The following EXOC1 variants were observed in gnomAD, a reference collection of about 807,000 sequenced individuals.
EXOC1 encodes exocyst complex component 1.
EXOC1 carries 67 observed loss-of-function variants against 107.7 expected under a neutral mutation model. The ratio of observed to expected loss-of-function variants is 0.62; its 90% CI spans 0.51 to 0.76. The LOEUF is 0.76. Among genes scored for constraint, EXOC1 ranks in the 30% least tolerant of loss-of-function variants. The pLI, the probability that EXOC1 is intolerant of heterozygous loss-of-function variation, is 0.00. For synonymous variants in EXOC1, 348 were observed against 353.5 expected (o/e 0.98, Z 0.17); for missense variants, 833 against 1,055.7 (o/e 0.79, Z 2.92).
At chr4:55,876,798 G>T in intron 8 of EXOC1, 2 of 983,838 alleles carry the variant, frequency 2.0e-6, no homozygotes, top group South Asian at 9.4e-5. Context: ...TGTAATTTCT[G>T]TATAATGGGT....
intron 10 of EXOC1, among the ~76,000 whole-genome samples, chr4:55,885,972 A>AT: frequency 6.6e-6 from 1 of 152,236 alleles, no homozygotes; most frequent in East Asian, 1.9e-4. Flanking sequence ...TCAACTTAGG[A>AT]TTTTTTTATT....
At chr4:55,903,794 G>C (rs913040235) in intron 18 of EXOC1, among the ~76,000 whole-genome samples, 4 of 152,100 alleles carry the variant, frequency 2.6e-5, no homozygotes, top group African/African-American at 9.7e-5. Flanking sequence ...AGCCTCCACT[G>C]TTAGATTATA....
intron 13 of EXOC1, 74 bp from the exon 14 acceptor site, chr4:55,892,561 C>T: frequency 8.6e-7 from 1 of 1,164,890 alleles, no homozygotes; most frequent in Non-Finnish European, 1.3e-6. Context: ...TAAGACTGAG[C>T]AGGCTTTTGC....
chr4:55,878,847 G>A (rs1313736714), intron 9 of EXOC1, among the ~76,000 whole-genome samples: 2 of 152,116 alleles, frequency 1.3e-5, no homozygotes, highest in African/African-American at 2.4e-5. Flanking sequence ...TGAAAAAGAT[G>A]AGCTATGGGA....
rs1381045182 is a variant in EXOC1, at chr4:55,904,937, A to G, written c.*442A>G. On this transcript the variant is annotated 3_prime_UTR_variant, in exon 19 of 19. Coordinates refer to ENST00000381295, the MANE Select transcript of EXOC1 (RefSeq NM_001024924.2). ...AATGTGTATATGGAGAAGAGGGCTC[A>G]TGTGATGATCATTTGTGAACTTAGA... 1 of 152,856 alleles carries G rather than the reference A, an allele frequency of 6.5e-6. No homozygotes were observed. The highest frequency in any genetic ancestry group is 1.5e-5 in the Non-Finnish European group (1 of 68,494). The allele number at this position is 152,856 out of a possible 1,614,324, so 9.5% of individuals were successfully genotyped here.
intron 16 of EXOC1, among the ~76,000 whole-genome samples, chr4:55,897,905 C>T (rs1202063583): frequency 1.3e-5 from 2 of 152,174 alleles, no homozygotes; most frequent in African/African-American, 2.4e-5. Flanking sequence ...CATGAGCCAC[C>T]GTGTCCAGCC....
chr4:55,855,982 G>T (rs1319646389), intron 1 of EXOC1, among the ~76,000 whole-genome samples: 3 of 152,218 alleles, frequency 2.0e-5, no homozygotes, highest in Non-Finnish European at 4.4e-5. Flanking sequence ...CCTCTGCAAG[G>T]TAGATTGTTA....
At chr4:55,902,093 T>C (rs1030513127) in intron 17 of EXOC1, 2 of 254,678 alleles carry the variant, frequency 7.9e-6, no homozygotes, top group African/African-American at 4.4e-5. Flanking sequence ...AAAAACAATA[T>C]TAAATGTAAA....
At chr4:55,870,311 A>G (rs1467811079) in intron 5 of EXOC1, among the ~76,000 whole-genome samples, 1 of 152,254 alleles carries the variant, frequency 6.6e-6, no homozygotes, top group Non-Finnish European at 1.5e-5. Context: ...AATGTTAGAG[A>G]TAACATGGCC....
At chr4:55,885,610 G>A (rs1190224445) in intron 10 of EXOC1, 1 of 152,128 alleles carries the variant, frequency 6.6e-6, no homozygotes, top group Non-Finnish European at 1.5e-5. Context: ...CACTTTAGCA[G>A]CACATATACT....
At position 55,868,503 on chromosome 4, in the gene EXOC1, G is replaced by C; in HGVS notation, c.583G>C (p.Glu195Gln). The C allele has an allele frequency of 6.2e-7, 1 of 1,613,692 alleles. No homozygotes were observed. Among genetic ancestry groups the C allele is most frequent in the Non-Finnish European group, 8.5e-7 (1 of 1,179,692 alleles). The change falls in exon 5 of 19, where the codon GAG becomes CAG. Residue 195 changes from glutamate (E) to glutamine (Q), a missense_variant. Glu to Gln is a conservative substitution (Grantham distance 29). Around this residue, in one of 2 missense-constraint regions of EXOC1, gnomAD observed 617 missense variants for 701.3 expected, o/e 0.88. Coordinates refer to ENST00000381295, the MANE Select transcript of EXOC1 (RefSeq NM_001024924.2). ...AEAFAEKLSRELQVLDGANIQ... is the reference protein window; with the variant it reads ...AEAFAEKLSRQLQVLDGANIQ... ...AGCCTTTGCAGAAAAATTGTCCAGA[G>C]AGCTGCAGGTGCTAGATGGGGTAAG...
chr4:55,864,524 A>G, intron 4 of EXOC1, 138 bp downstream of exon 4: 1 of 770,054 alleles, frequency 1.3e-6, no homozygotes, highest in South Asian at 2.2e-5. Context: ...TTATTGCAGA[A>G]ATTATGCTTG....
chr4:55,876,206 G>C, intron 8 of EXOC1: 1 of 985,286 alleles, frequency 1.0e-6, no homozygotes, highest in Non-Finnish European at 1.2e-6. Flanking sequence ...TAAAAATACA[G>C]AATTGTTCCA....
rs775356758 is a variant in EXOC1, at chr4:55,892,616, G to T, written c.1648-19G>T. The T allele has an allele frequency of 1.9e-6, 3 of 1,612,128 alleles. No homozygotes were observed. The South Asian group carries it at 3.3e-5, about 18-fold the overall frequency. On this transcript the variant is annotated intron_variant, in intron 13 of 18. Transcript: ENST00000381295. ...TTGTTGGTCTTTTATTATGTAAAGT[G>T]CCTGAATAATTTTTGCAGGCTGAAG...
intron 15 of EXOC1, among the ~76,000 whole-genome samples, chr4:55,896,206 G>A (rs924419198): frequency 6.6e-6 from 1 of 152,190 alleles, no homozygotes; most frequent in Non-Finnish European, 1.5e-5. Flanking sequence ...CTGGAGTGCA[G>A]TGGCGCAATC....
intron 9 of EXOC1, among the ~76,000 whole-genome samples, chr4:55,880,466 A>G (rs1392474146): frequency 6.6e-6 from 1 of 152,104 alleles, no homozygotes; most frequent in Non-Finnish European, 1.5e-5. Flanking sequence ...AACAGAATTC[A>G]GATTTGGAGA....
rs554336431 is a variant in EXOC1 at position 55,855,056 on chromosome 4, T to C, written c.-11+1103T>C. Among the ~76,000 whole-genome samples, 22 of 152,312 alleles carry C rather than the reference T, an allele frequency of 1.4e-4. No homozygotes were observed. The South Asian group carries it at 4.6e-3, about 32-fold the overall frequency. On this transcript the variant is annotated intron_variant, in intron 1 of 18. Coordinates refer to ENST00000381295, the MANE Select transcript of EXOC1 (RefSeq NM_001024924.2). ...GGGTTTGGATAGGGCGGAGATGATA[T>C]TCCTTACATGGAAAGTACCAAAGTG...
chr4:55,895,852 A>C (rs564493470), intron 15 of EXOC1, among the ~76,000 whole-genome samples: 96 of 152,368 alleles, frequency 6.3e-4, no homozygotes, highest in Middle Eastern at 3.4e-3. Flanking sequence ...ATGCAAATCC[A>C]TATGGAAATG....
intron 8 of EXOC1, chr4:55,876,932 C>T: frequency 3.0e-6 from 3 of 985,098 alleles, no homozygotes; most frequent in Non-Finnish European, 3.6e-6. Flanking sequence ...GGTTTTTGTA[C>T]TTGGCATGTC....
Sources: gnomAD v4.1 joint callset for allele counts (sites outside exome capture counted in the v4.1 genomes callset) on GRCh38, gnomAD v4.1.1 for gene constraint, gnomAD v4.1.1 regional missense constraint, MANE v1.5 for transcripts, NCBI Gene and HGNC (gene_info 2026-07-23, HGNC 2026-07-21) for gene names.